CCSER2: variants seen among roughly 807,000 people sequenced by gnomAD.
CCSER2 encodes the protein serine-rich coiled-coil domain-containing protein 2.
Under a neutral mutation model 92.3 loss-of-function variants are expected in CCSER2, and 46 were observed. The ratio of observed to expected loss-of-function variants is 0.50; its 90% CI spans 0.39 to 0.64. The LOEUF (loss-of-function observed/expected upper bound fraction) is 0.64, where lower values mean the gene tolerates loss of function less well. CCSER2 is among the 30% of genes least tolerant of loss of function. The pLI is 0.00. For synonymous variants in CCSER2, 433 were observed against 431.4 expected (o/e 1.00, Z -0.04); for missense variants, 1,244 against 1,238.9 (o/e 1.00, Z -0.06).
intron 6 of CCSER2, among the ~76,000 whole-genome samples, chr10:84,461,212 T>G (rs1846081432): frequency 6.6e-6 from 1 of 152,212 alleles, no homozygotes; most frequent in Non-Finnish European, 1.5e-5. Flanking sequence ...TGTCTACTTT[T>G]CAAGTGTATG....
chr10:84,469,864 A>G (rs1218565899), intron 7 of CCSER2, among the ~76,000 whole-genome samples: 2 of 152,006 alleles, frequency 1.3e-5, no homozygotes, highest in Non-Finnish European at 2.9e-5. Flanking sequence ...AGGCACATTT[A>G]TCTTTTTTGC....
At chr10:84,373,985 G>A (rs1846201294) in intron 3 of CCSER2, 170 bp downstream of exon 3, 1 of 1,364,824 alleles carries the variant, frequency 7.3e-7, no homozygotes, top group Admixed American at 2.7e-5. Context: ...ATGAAATAAA[G>A]CATGGAGAAT....
At position 84,514,949 on chromosome 10, in the gene CCSER2, A is replaced by G. The variant is rs1418864564; in HGVS notation, c.*682A>G. 2 of 152,658 alleles carry G rather than the reference A, an allele frequency of 1.3e-5. No homozygotes were observed. The highest frequency in any genetic ancestry group is 4.8e-5 in the African/African-American group (2 of 41,440). 9.5% of individuals were successfully genotyped at this position (152,658 alleles called of 1,614,324 possible). A position where few individuals can be genotyped will look rare whatever the true frequency, so the allele number is the denominator to read the frequency against. On this transcript the variant is annotated 3_prime_UTR_variant, in exon 10 of 10. Coordinates refer to ENST00000372088, the MANE Select transcript of CCSER2 (RefSeq NM_001284240.2). ...TATATATTCCTTTACATCTTGTTTT[A>G]CAAACACATGTGCATGCACACACAC...
At chr10:84,479,955 G>A (rs1179689936) in intron 9 of CCSER2, among the ~76,000 whole-genome samples, 2 of 151,766 alleles carry the variant, frequency 1.3e-5, no homozygotes, top group Non-Finnish European at 2.9e-5. Context: ...TCCCTGAGAG[G>A]AAAAAAAACA....
chr10:84,363,147 A>ATTTTTTT (rs1182773588), intron 1 of CCSER2, among the ~76,000 whole-genome samples: 6 of 84,366 alleles, frequency 7.1e-5, no homozygotes, highest in African/African-American at 3.1e-4. Context: ...ACACCCAGCT[A>ATTTTTTT]TTTTTTTTTT....
intron 9 of CCSER2, 118 bp from the exon 10 acceptor site, chr10:84,513,331 C>T: frequency 2.6e-6 from 2 of 757,830 alleles, no homozygotes; most frequent in Non-Finnish European, 4.2e-6. Flanking sequence ...AAAAGAAACT[C>T]CACATATTTT....
chr10:84,475,227 A>G (rs1335113100), intron 8 of CCSER2, among the ~76,000 whole-genome samples: 1 of 152,204 alleles, frequency 6.6e-6, no homozygotes, highest in Non-Finnish European at 1.5e-5. Flanking sequence ...CAGACTAATT[A>G]AGTTCTAGCT....
intron 1 of CCSER2, among the ~76,000 whole-genome samples, chr10:84,360,427 TAGAATAAGTTGTCTTTGCAGTA>T (rs1297727061): frequency 6.6e-6 from 1 of 152,252 alleles, no homozygotes; most frequent in East Asian, 1.9e-4. Context: ...TATCAATTTG[TAGAATAAGTTGTCTTTGCAGTA>T]AGGCTTATTT....
In CCSER2 at chr10:84,351,788, CTG is replaced by C. The variant is rs569402243; in HGVS notation, c.-39-19224_-39-19223del. The stretch of plus-strand genomic sequence containing the variant: ...GAGATTTCAGTAGTCTGCATTAAGA[CTG>C]TATTTCTTTTAATGTAGTTAAAGAA... On this transcript the variant is annotated intron_variant, in intron 1 of 9. Transcript: ENST00000372088. Among the ~76,000 whole-genome samples, 383 of 152,306 alleles carry C rather than the reference CTG, an allele frequency of 2.5e-3. 1 individual carries two copies. Among genetic ancestry groups the C allele is most frequent in the African/African-American group, 8.4e-3 (351 of 41,560 alleles).
intron 4 of CCSER2, chr10:84,425,070 G>A: frequency 1.0e-6 from 1 of 964,022 alleles, no homozygotes; most frequent in Non-Finnish European, 1.2e-6. Flanking sequence ...AGCTTGGGGT[G>A]TTTCAAAGAG....
chr10:84,480,324 C>T (rs1205841934), intron 9 of CCSER2, among the ~76,000 whole-genome samples: 2 of 152,138 alleles, frequency 1.3e-5, no homozygotes, highest in Non-Finnish European at 2.9e-5. Flanking sequence ...TGCCTGACCA[C>T]ATACTTGTAT....
chr10:84,349,879 T>A (rs775545169), intron 1 of CCSER2, among the ~76,000 whole-genome samples: 3 of 152,122 alleles, frequency 2.0e-5, no homozygotes, highest in Non-Finnish European at 4.4e-5. Flanking sequence ...ATCGGCCAGG[T>A]GCAGTGGCTC....
chr10:84,416,693 C>T (rs911102864), intron 3 of CCSER2, among the ~76,000 whole-genome samples: 1 of 152,070 alleles, frequency 6.6e-6, no homozygotes, highest in African/African-American at 2.4e-5. Context: ...CTTTGGGAGG[C>T]CGAGGCAGGC....
At chr10:84,457,387 ATATT>A (rs1463897444) in intron 6 of CCSER2, among the ~76,000 whole-genome samples, 8 of 94,186 alleles carry the variant, frequency 8.5e-5, no homozygotes, top group African/African-American at 1.3e-4. Flanking sequence ...TTTTAAATAT[ATATT>A]TATTTAAATA....
intron 1 of CCSER2, among the ~76,000 whole-genome samples, chr10:84,366,622 T>C (rs1267514473): frequency 6.6e-6 from 1 of 152,202 alleles, no homozygotes; most frequent in Admixed American, 6.5e-5. Flanking sequence ...AAGGGGTCTT[T>C]AGCAAAGGCA....
At position 84,516,583 on chromosome 10, in the gene CCSER2, A is replaced by T. The variant is rs537281207; in HGVS notation, c.*2316A>T. On this transcript the variant is annotated 3_prime_UTR_variant, in exon 10 of 10. Transcript: ENST00000372088. ...AGACCCTTATGAAACATTATTTACG[A>T]GTTGGCCTTATCCTTAAGGGAAAAG... 1 of 152,298 alleles carries T rather than the reference A, an allele frequency of 6.6e-6. No homozygotes were observed. The highest frequency in any genetic ancestry group is 2.4e-5 in the African/African-American group (1 of 41,556). 9.4% of individuals were successfully genotyped at this position (152,298 alleles called of 1,614,324 possible).
At chr10:84,396,195 G>C (rs1589541433) in intron 3 of CCSER2, among the ~76,000 whole-genome samples, 1 of 101,802 alleles carries the variant, frequency 9.8e-6, no homozygotes, top group African/African-American at 1.0e-4. Context: ...CTGTGTGTGT[G>C]TGTGTGTGTG....
At chr10:84,454,531 T>C (rs925888489) in intron 6 of CCSER2, 2 of 152,164 alleles carry the variant, frequency 1.3e-5, no homozygotes, top group Non-Finnish European at 2.9e-5. Flanking sequence ...TTTAAATAAA[T>C]CCTCTCATAG....
intron 9 of CCSER2, among the ~76,000 whole-genome samples, chr10:84,484,465 G>A (rs1045647703): frequency 1.3e-5 from 2 of 149,568 alleles, no homozygotes; most frequent in Non-Finnish European, 3.0e-5. Flanking sequence ...TCTCTGGAGA[G>A]ACGTTGCATG....
Sources: gnomAD v4.1 joint callset for allele counts (sites outside exome capture counted in the v4.1 genomes callset) on GRCh38, gnomAD v4.1.1 for gene constraint, MANE v1.5 for transcripts, NCBI Gene and HGNC (gene_info 2026-07-23, HGNC 2026-07-21) for gene names.